USP34: variants seen among roughly 807,000 people sequenced by gnomAD.
USP34 encodes the protein ubiquitin carboxyl-terminal hydrolase 34.
USP34 carries 70 observed loss-of-function variants against 460.3 expected under a neutral mutation model. The observed-to-expected ratio is 0.15, with a 90% CI of 0.13 to 0.19. The LOEUF is 0.19. USP34 is among the 10% of genes least tolerant of loss of function. The probability of loss-of-function intolerance (pLI) is 1.00; values close to 1 mark genes in which losing one functional copy is unlikely to be tolerated. For missense variants in USP34, 3,985 were observed against 4,236.2 expected, an observed-to-expected ratio of 0.94 and a Z score of 1.65; for synonymous variants, 1,647 against 1,405.3, an observed-to-expected ratio of 1.17 and a Z score of -3.85.
Position 61,318,181 on chromosome 2 carries a change from A to G in USP34, c.3169-414T>C, listed in dbSNP as rs1572929941. ...GCACTCCAGCCTTGGAGACAGAGCA[A>G]GCCCATCTCAAAAAAAAAAAAAAAA... On this transcript the variant is annotated intron_variant, in intron 22 of 79. Coordinates refer to ENST00000398571, the MANE Select transcript of USP34 (RefSeq NM_014709.4). Among the ~76,000 whole-genome samples the G allele has an allele frequency of 2.3e-5, 3 of 130,654 alleles. No homozygotes were observed. In the East Asian group the frequency reaches 7.1e-4, roughly 31 times the overall value. 85.7% of individuals were successfully genotyped at this position (130,654 alleles called of 152,430 possible). A position where few individuals can be genotyped will look rare whatever the true frequency, so the allele number is the denominator to read the frequency against.
At chr2:61,362,470 T>A (rs1305911656) in intron 10 of USP34, among the ~76,000 whole-genome samples, 1 of 152,168 alleles carries the variant, frequency 6.6e-6, no homozygotes, top group Non-Finnish European at 1.5e-5. Flanking sequence ...CATAGGGATA[T>A]TATTCAGCTT....
At chr2:61,445,262 C>A (rs375612027) in intron 1 of USP34, among the ~76,000 whole-genome samples, 1 of 148,318 alleles carries the variant, frequency 6.7e-6, no homozygotes, top group Non-Finnish European at 1.5e-5. Context: ...CTGGCCGGGC[C>A]CGGTGGCTCA....
At chr2:61,211,993 C>G in intron 68 of USP34, 64 bp from the exon 69 acceptor site, 1 of 1,490,146 alleles carries the variant, frequency 6.7e-7, no homozygotes, top group East Asian at 2.5e-5. Context: ...GTCAGTTTCT[C>G]ATTTCTACGT....
intron 69 of USP34, 114 bp downstream of exon 69, chr2:61,211,658 A>C (rs991831710): frequency 9.6e-6 from 11 of 1,148,650 alleles, no homozygotes; most frequent in Non-Finnish European, 1.3e-5. Flanking sequence ...AATGTTCCAA[A>C]GTGGCTACAT....
chr2:61,350,504 G>T (rs1691912546), intron 11 of USP34, 64 bp downstream of exon 11: 1 of 1,547,228 alleles, frequency 6.5e-7, no homozygotes, highest in South Asian at 1.2e-5. Flanking sequence ...TAAATTATCT[G>T]AATCACAAGG....
chr2:61,338,695 G>T (rs1315393643), intron 18 of USP34, among the ~76,000 whole-genome samples: 3 of 151,964 alleles, frequency 2.0e-5, no homozygotes, highest in African/African-American at 7.3e-5. Flanking sequence ...ATCCATGGAA[G>T]AACACTGAAA....
intron 76 of USP34, 55 bp downstream of exon 76, chr2:61,192,846 G>T: frequency 6.9e-7 from 1 of 1,459,110 alleles, no homozygotes; most frequent in Admixed American, 1.9e-5. Context: ...TAAAATTATT[G>T]ACCACTTGGT....
At chr2:61,436,466 G>T (rs1288949541) in intron 1 of USP34, among the ~76,000 whole-genome samples, 1 of 152,056 alleles carries the variant, frequency 6.6e-6, no homozygotes, top group African/African-American at 2.4e-5. Context: ...AGACAAAGAA[G>T]GACACTATAT....
intron 2 of USP34, among the ~76,000 whole-genome samples, chr2:61,411,799 A>C (rs1211179715): frequency 6.6e-6 from 1 of 152,170 alleles, no homozygotes; most frequent in Non-Finnish European, 1.5e-5. Flanking sequence ...CTTCAAATTC[A>C]CTTTTTAGTA....
intron 1 of USP34, among the ~76,000 whole-genome samples, chr2:61,444,388 T>C (rs1695051153): frequency 6.6e-6 from 1 of 151,480 alleles, no homozygotes. Flanking sequence ...TCAAAGAAAA[T>C]ATCCAGACTG....
At chr2:61,458,940 C>T (rs1235230178) in intron 1 of USP34, among the ~76,000 whole-genome samples, 3 of 152,092 alleles carry the variant, frequency 2.0e-5, no homozygotes, top group African/African-American at 7.2e-5. Context: ...GTGGTGGGCG[C>T]CTACAATCCC....
At chr2:61,453,478 G>A (rs1695343921) in intron 1 of USP34, among the ~76,000 whole-genome samples, 1 of 152,050 alleles carries the variant, frequency 6.6e-6, no homozygotes, top group Non-Finnish European at 1.5e-5. Flanking sequence ...GGGAGGCCCA[G>A]GAGGGTGAAT....
chr2:61,297,043 GAA>G (rs1572909806), intron 29 of USP34, 118 bp from the exon 30 acceptor site: 6 of 1,285,148 alleles, frequency 4.7e-6, no homozygotes, highest in East Asian at 4.9e-5. Context: ...CTCACTTTTT[GAA>G]AAGTGAGAAA....
At chr2:61,431,753 C>A (rs1217772037) in intron 1 of USP34, among the ~76,000 whole-genome samples, 2 of 151,970 alleles carry the variant, frequency 1.3e-5, no homozygotes, top group African/African-American at 2.4e-5. Flanking sequence ...TACTTGAGAC[C>A]CGCGGCAGGA....
chr2:61,360,486 C>T (rs1164540005), intron 10 of USP34, among the ~76,000 whole-genome samples: 2 of 151,960 alleles, frequency 1.3e-5, no homozygotes, highest in Non-Finnish European at 2.9e-5. Flanking sequence ...ATAAACTTAG[C>T]CAAAGAAGTA....
intron 43 of USP34, among the ~76,000 whole-genome samples, chr2:61,260,274 A>T (rs1405623826): frequency 1.3e-5 from 2 of 152,212 alleles, no homozygotes; most frequent in African/African-American, 4.8e-5. Flanking sequence ...AACTATCAAT[A>T]AGTCAAATTC....
intron 37 of USP34, among the ~76,000 whole-genome samples, chr2:61,281,916 T>C (rs1485064938): frequency 1.3e-5 from 2 of 152,236 alleles, no homozygotes; most frequent in Non-Finnish European, 2.9e-5. Context: ...GTAAGCAAAC[T>C]GTCCAAATGT....
At chr2:61,325,957 A>T (rs1196676302) in intron 20 of USP34, among the ~76,000 whole-genome samples, 1 of 152,198 alleles carries the variant, frequency 6.6e-6, no homozygotes, top group Admixed American at 6.5e-5. Flanking sequence ...AATCTAAATA[A>T]TTATAATTCA....
rs966628459 is a variant in USP34, at chr2:61,188,026, CAAAT to C, written c.*72_*75del. On this transcript the variant is annotated 3_prime_UTR_variant, in exon 80 of 80. Coordinates refer to ENST00000398571, the MANE Select transcript of USP34 (RefSeq NM_014709.4). ...CACTGGACAAACTGAAGCACAAAAA[CAAAT>C]AAGCAAAACTTATACAAACAGCATG... The C allele has an allele frequency of 7.5e-5, 115 of 1,527,456 alleles. No homozygotes were observed. The highest frequency in any genetic ancestry group is 1.4e-4 in the African/African-American group (10 of 71,898). 94.6% of individuals were successfully genotyped at this position (1,527,456 alleles called of 1,614,324 possible).
Sources: allele counts gnomAD v4.1 joint callset (sites outside exome capture counted in the v4.1 genomes callset), GRCh38; gene constraint gnomAD v4.1.1; transcripts MANE v1.5; gene names NCBI Gene and HGNC (gene_info 2026-07-23, HGNC 2026-07-21).